Variants in PFKFB3 observed in about 807,000 individuals in gnomAD.
PFKFB3 encodes the protein 6-phosphofructo-2-kinase/fructose-2,6-bisphosphatase 3.
Under a neutral mutation model 68.0 loss-of-function variants are expected in PFKFB3, and 33 were observed. That is an observed-to-expected ratio of 0.49 (90% CI 0.37 to 0.65). The LOEUF (loss-of-function observed/expected upper bound fraction) is 0.65, where lower values mean the gene tolerates loss of function less well. Ranked by LOEUF, PFKFB3 falls within the 30% of genes least tolerant of loss-of-function variation. The pLI is 0.00. For synonymous variants in PFKFB3, 315 were observed against 288.2 expected (o/e 1.09, Z -0.94); for missense variants, 586 against 712.2 (o/e 0.82, Z 2.02).
chr10:6,260,089 CCAAA>C, the PFKFB3 span, among the ~76,000 whole-genome samples: 2 of 152,088 alleles, frequency 1.3e-5, no homozygotes, highest in African/African-American at 2.4e-5. Flanking sequence ...TAATTTATCG[CCAAA>C]CAAAGATGTA....
At chr10:6,296,203 C>CT in the PFKFB3 span, among the ~76,000 whole-genome samples, 1 of 150,232 alleles carries the variant, frequency 6.7e-6, no homozygotes, top group Non-Finnish European at 1.5e-5. Context: ...TTGGCATTTT[C>CT]TTTTTTTTCT....
chr10:6,224,149 G>A lies in PFKFB3; in HGVS notation c.1277G>A (p.Gly426Asp). The change falls in exon 13 of 15, where the codon GGC becomes GAC. Residue 426 changes from glycine (G) to aspartate (D), a missense_variant and splice_region_variant. Transcript: ENST00000379775. The stretch of plus-strand genomic sequence containing the variant: ...TCTGCCCCCATCCCACGCCCTCCAG[G>A]CTGCCGTGTGGAATCCATCTACCTG... Reference protein sequence around the residue: ...TVLKLTPVAYGCRVESIYLNV... With the variant: ...TVLKLTPVAYDCRVESIYLNV... The A allele has an allele frequency of 6.2e-7, 1 of 1,614,218 alleles. No homozygotes were observed. The highest frequency in any genetic ancestry group is 8.5e-7 in the Non-Finnish European group (1 of 1,180,016).
chr10:6,208,393 T>TTTTTTTTTTTTTTTC, intron 1 of PFKFB3, among the ~76,000 whole-genome samples: 1 of 116,358 alleles, frequency 8.6e-6, no homozygotes, highest in Non-Finnish European at 1.9e-5. Context: ...TTTTTTTTTT[T>TTTTTTTTTTTTTTTC]GCCTCTTAAA....
chr10:6,219,672 T>C lies in PFKFB3; in HGVS notation c.602T>C (p.Leu201Pro). ...ISCYEASYQP[L>P]DPDKCDRDLS... is the part of the protein sequence containing the mutation. ...TGCTATGAAGCCAGCTACCAGCCCC[T>C]CGACCCCGACAAATGCGACAGGTGA... Residue 201 changes from leucine (L) to proline (P), a missense_variant, in exon 7 of 15, where the codon CTC (leucine) becomes CCC (proline). Physicochemically the swap from Leu to Pro is moderately conservative, Grantham distance 98. Transcript: ENST00000379775. The C allele has an allele frequency of 6.2e-7, 1 of 1,613,854 alleles. No individual in the cohort carries two copies. Among genetic ancestry groups the C allele is most frequent in the South Asian group, 1.1e-5 (1 of 91,072 alleles).
rs752736668 is a variant in PFKFB3, at chr10:6,228,833, C to T, written c.1515+2468C>T. 2.0e-5 allele frequency among the ~76,000 whole-genome samples: 3 copies of T among 152,176 alleles called. No homozygotes were observed. Among genetic ancestry groups the T allele is most frequent in the African/African-American group, 4.8e-5 (2 of 41,442 alleles). On this transcript the variant is annotated intron_variant, in intron 14 of 14. Transcript: ENST00000379775. The surrounding 1 kb of genome is among the most constrained non-coding windows in gnomAD (Gnocchi z 4.5). ...CTCAGCGTCATAGTCACGCCCGGGGCTGGGTGCAGCCTCCATCTCTAACCC... is the reference window on the plus strand; with the variant it reads ...CTCAGCGTCATAGTCACGCCCGGGGTTGGGTGCAGCCTCCATCTCTAACCC...
At chr10:6,241,065 T>A (rs1216929879) in intron 14 of PFKFB3, among the ~76,000 whole-genome samples, 1 of 151,990 alleles carries the variant, frequency 6.6e-6, no homozygotes, top group Non-Finnish European at 1.5e-5. Context: ...CCACCATGCC[T>A]GGTTAATTTT....
the PFKFB3 span, among the ~76,000 whole-genome samples, chr10:6,280,610 C>G: frequency 1.3e-5 from 2 of 152,160 alleles, no homozygotes; most frequent in African/African-American, 4.8e-5. Context: ...CTAGAAAAAC[C>G]TTCTCTGCAG....
the PFKFB3 span, chr10:6,294,282 A>G: frequency 2.0e-6 from 1 of 508,266 alleles, no homozygotes; most frequent in Non-Finnish European, 4.0e-6. Flanking sequence ...ATCTGTTCTC[A>G]CACTGTTAAT....
intron 1 of PFKFB3, among the ~76,000 whole-genome samples, chr10:6,209,825 C>T (rs931785462): frequency 7.4e-5 from 10 of 135,438 alleles, no homozygotes; most frequent in Admixed American, 1.7e-4. Context: ...AGTGCAGTGG[C>T]GTGACCTTGG....
At chr10:6,144,999 T>A in exon 1 of PFKFB3, 1 of 1,329,322 alleles carries the variant, frequency 7.5e-7, no homozygotes, top group Non-Finnish European at 9.6e-7. Flanking sequence ...CCCGGCGCGA[T>A]GCCCTTCAGG....
At chr10:6,150,296 C>A (rs994790863) in intron 1 of PFKFB3, among the ~76,000 whole-genome samples, 4 of 152,140 alleles carry the variant, frequency 2.6e-5, no homozygotes, top group African/African-American at 9.7e-5. Flanking sequence ...CTGTCATTTT[C>A]TTTTGGAATG....
chr10:6,177,260 G>A (rs1253126762), intron 1 of PFKFB3, among the ~76,000 whole-genome samples: 5 of 152,192 alleles, frequency 3.3e-5, no homozygotes, highest in Admixed American at 3.3e-4. Context: ...ACTGAAATGG[G>A]CGTTCATGTC....
chr10:6,171,471 C>T (rs1197703237), intron 1 of PFKFB3, among the ~76,000 whole-genome samples: 1 of 151,452 alleles, frequency 6.6e-6, no homozygotes, highest in East Asian at 1.9e-4. Flanking sequence ...TCTTGGCTCA[C>T]TGCAGTCTCA....
chr10:6,244,533 C>G (rs536111940), intron 14 of PFKFB3, among the ~76,000 whole-genome samples: 1 of 152,246 alleles, frequency 6.6e-6, no homozygotes, highest in South Asian at 2.1e-4. Context: ...TGCTCTGGGG[C>G]AGGTCCTCCT....
the PFKFB3 span, among the ~76,000 whole-genome samples, chr10:6,278,306 G>T: frequency 6.7e-6 from 1 of 148,804 alleles, no homozygotes; most frequent in Non-Finnish European, 1.5e-5. Context: ...TTTTAAGAGG[G>T]AGTCTTGCTG....
At chr10:6,318,947 CT>C in the PFKFB3 span, among the ~76,000 whole-genome samples, 1 of 152,146 alleles carries the variant, frequency 6.6e-6, no homozygotes, top group Non-Finnish European at 1.5e-5. Flanking sequence ...CGAAGCCTGG[CT>C]TTTTCCCATT....
rs150871740 is a variant in PFKFB3, at chr10:6,157,177, A to C, written c.16+12164A>C. Among the ~76,000 whole-genome samples the C allele has an allele frequency of 8.3e-3, 1,270 of 152,226 alleles. 27 individuals are homozygous for C. Among genetic ancestry groups the C allele is most frequent in the African/African-American group, 0.029 (1,205 of 41,552 alleles). ...AATGGAAACAAGGATTTTGTCATCA[A>C]CTTGCTGCCTCATAGTAACAACAAA... On this transcript the variant is annotated intron_variant, in intron 1 of 14. Transcript: ENST00000379789.
chr10:6,231,971 GCCCCGTGACTTT>G (rs1845778343), intron 14 of PFKFB3, among the ~76,000 whole-genome samples: 1 of 152,232 alleles, frequency 6.6e-6, no homozygotes, highest in Admixed American at 6.5e-5. Flanking sequence ...ATGCTGCCCA[GCCCCGTGACTTT>G]CCTCCCTGTG....
chr10:6,244,436 CT>C (rs1372682053), intron 14 of PFKFB3, among the ~76,000 whole-genome samples: 1 of 152,134 alleles, frequency 6.6e-6, no homozygotes, highest in Non-Finnish European at 1.5e-5. Context: ...GCTGCTCATT[CT>C]TTTTGAGGAA....
Sources: gnomAD v4.1 joint callset for allele counts (sites outside exome capture counted in the v4.1 genomes callset) on GRCh38, gnomAD v4.1.1 for gene constraint, Gnocchi (gnomAD v3.1) non-coding constraint, MANE v1.5 for transcripts, NCBI Gene and HGNC (gene_info 2026-07-23, HGNC 2026-07-21) for gene names.